DERA: variants seen among roughly 807,000 people sequenced by gnomAD.
The protein encoded by DERA is deoxyribose-phosphate aldolase.
DERA carries 15 observed loss-of-function variants against 41.1 expected under a neutral mutation model. That is an observed-to-expected ratio of 0.37 (90% confidence interval 0.24 to 0.56). DERA has a LOEUF of 0.56. Ranked by LOEUF, DERA falls within the 20% of genes least tolerant of loss-of-function variation. DERA has a pLI of 0.81. For missense variants in DERA, 396 were observed against 403.4 expected (o/e 0.98, Z 0.16); for synonymous variants, 139 against 137.4 (o/e 1.01, Z -0.08).
chr12:16,009,920 ATTG>A lies in DERA; in HGVS notation c.638-22619_638-22617del, dbSNP rs1948936583. On this transcript the variant is annotated intron_variant, in intron 6 of 8. Transcript: ENST00000428559. The surrounding 1 kb of genome is among the most constrained non-coding windows in gnomAD (Gnocchi z 5.3). ...GTATACATGTTAAGAAACTATTTAT[ATTG>A]TTTTCTGCTGAGCAGAAATCTAAAA... Among the ~76,000 whole-genome samples, 1 of 152,228 alleles carries A rather than the reference ATTG, an allele frequency of 6.6e-6. No homozygotes were observed. Among genetic ancestry groups the A allele is most frequent in the Non-Finnish European group, 1.5e-5 (1 of 68,044 alleles).
At chr12:15,923,017 C>CTTTTTTTTTTTTT (rs1208644862) in intron 1 of DERA, among the ~76,000 whole-genome samples, 1 of 104,428 alleles carries the variant, frequency 9.6e-6, no homozygotes, top group African/African-American at 3.6e-5. Context: ...TTTGTTTTTG[C>CTTTTTTTTTTTTT]TTTTTTTTTT....
chr12:15,936,886 T>TTGTCTTGTCTTGTCCTGTCCTGTCC lies in DERA; in HGVS notation c.32-20046_32-20045insTTGTCTTGTCCTGTCCTGTCCTGTC, dbSNP rs1351383547. 7.3e-6 allele frequency among the ~76,000 whole-genome samples: 1 copy of TTGTCTTGTCTTGTCCTGTCCTGTCC among 136,876 alleles called. No homozygotes were observed. Among genetic ancestry groups the TTGTCTTGTCTTGTCCTGTCCTGTCC allele is most frequent in the African/African-American group, 3.2e-5 (1 of 31,206 alleles). 89.8% of individuals were successfully genotyped at this position (136,876 alleles called of 152,430 possible). A position where few individuals can be genotyped will look rare whatever the true frequency, so the allele number is the denominator to read the frequency against. ...TTGTCTTGTCTTGTCTTGTCTTGTC[T>TTGTCTTGTCTTGTCCTGTCCTGTCC]TGTCCTGTCCTGTCCTGTCCTGTCC... On this transcript the variant is annotated intron_variant, in intron 1 of 8. Transcript: ENST00000428559. The surrounding 1 kb of genome is among the most constrained non-coding windows in gnomAD (Gnocchi z 4.6).
Position 15,967,736 on chromosome 12 carries a change from T to TGTACG in DERA, c.508+4791_508+4792insACGGT, listed in dbSNP as rs1948632503. Among the ~76,000 whole-genome samples the TGTACG allele has an allele frequency of 6.6e-6, 1 of 152,210 alleles. No homozygotes were observed. The highest frequency in any genetic ancestry group is 2.4e-5 in the African/African-American group (1 of 41,448). On this transcript the variant is annotated intron_variant, in intron 5 of 8. Coordinates refer to ENST00000428559, the MANE Select transcript of DERA (RefSeq NM_015954.4). The surrounding 1 kb of genome is among the most constrained non-coding windows in gnomAD (Gnocchi z 4.9). ...TCATGTTGAGCTCGTGACGGCACAC[T>TGTACG]GTCCTTCCCTGCCAATCCTTCTGTC...
At chr12:15,977,633 T>C (rs1378850598) in intron 5 of DERA, among the ~76,000 whole-genome samples, 1 of 152,194 alleles carries the variant, frequency 6.6e-6, no homozygotes, top group Non-Finnish European at 1.5e-5. Flanking sequence ...TTTTTGCATT[T>C]TTTTAGTAGA....
chr12:15,987,429 G>A (rs945485864), intron 6 of DERA, among the ~76,000 whole-genome samples: 1 of 151,666 alleles, frequency 6.6e-6, no homozygotes, highest in Non-Finnish European at 1.5e-5. Flanking sequence ...TAGAGACAGG[G>A]TTTCACCATA....
intron 4 of DERA, among the ~76,000 whole-genome samples, chr12:15,961,908 T>C (rs1244478483): frequency 1.3e-5 from 2 of 152,180 alleles, no homozygotes; most frequent in African/African-American, 2.4e-5. Flanking sequence ...CACACCAGGC[T>C]AATTTTTATA....
At position 16,010,862 on chromosome 12, in the gene DERA, T is replaced by A. The variant is rs1948942638; in HGVS notation, c.638-21680T>A. On this transcript the variant is annotated intron_variant, in intron 6 of 8. Transcript: ENST00000428559. This position sits in a 1 kb window ranked among gnomAD's most constrained non-coding sequence, Gnocchi z 5.5. ...CACAACTTCTTTTATGAAAGACAGG[T>A]CACTGTAAAAAGAAACTCTACCCAC... Among the ~76,000 whole-genome samples the A allele has an allele frequency of 6.6e-6, 1 of 151,908 alleles. No homozygotes were observed. Among genetic ancestry groups the A allele is most frequent in the Admixed American group, 6.5e-5 (1 of 15,272 alleles).
chr12:15,920,203 AGT>A (rs1948232392), intron 1 of DERA, among the ~76,000 whole-genome samples: 1 of 152,218 alleles, frequency 6.6e-6, no homozygotes, highest in African/African-American at 2.4e-5. Context: ...GGAAAATAAT[AGT>A]GTCCACACTT....
At position 15,996,151 on chromosome 12, in the gene DERA, CAG is replaced by C. The variant is rs1308433856; in HGVS notation, c.637+13718_637+13719del. On this transcript the variant is annotated intron_variant, in intron 6 of 8. Coordinates refer to ENST00000428559, the MANE Select transcript of DERA (RefSeq NM_015954.4). This position sits in a 1 kb window ranked among gnomAD's most constrained non-coding sequence, Gnocchi z 4.7. Reference sequence around the variant, plus strand: ...TCATATGCAGACACAGACACACACACAGAGCATGTGTGTGTGTGTGTGTGTGT... The same window carrying C: ...TCATATGCAGACACAGACACACACACAGCATGTGTGTGTGTGTGTGTGTGT... Among the ~76,000 whole-genome samples the C allele has an allele frequency of 2.3e-5, 3 of 132,986 alleles. No individual in the cohort carries two copies. The highest frequency in any genetic ancestry group is 5.4e-4 in the South Asian group (2 of 3,686). The allele number at this position is 132,986 out of a possible 152,430, so 87.2% of individuals were successfully genotyped here.
chr12:15,948,740 G>A (rs377756990), intron 1 of DERA, among the ~76,000 whole-genome samples: 19 of 152,162 alleles, frequency 1.2e-4, no homozygotes, highest in Non-Finnish European at 2.1e-4. Flanking sequence ...TGTTGCTGGC[G>A]AGAAGCTGCG....
intron 1 of DERA, among the ~76,000 whole-genome samples, chr12:15,932,962 C>T (rs1356511628): frequency 6.6e-6 from 1 of 152,098 alleles, no homozygotes; most frequent in Non-Finnish European, 1.5e-5. Flanking sequence ...AATGTAATAC[C>T]CTCCAGGATT....
chr12:15,960,692 G>A (rs1376598162), intron 4 of DERA, among the ~76,000 whole-genome samples: 3 of 149,872 alleles, frequency 2.0e-5, no homozygotes, highest in Admixed American at 6.7e-5. Flanking sequence ...GTGTAGTTGC[G>A]GTTCTGAGCA....
intron 5 of DERA, among the ~76,000 whole-genome samples, chr12:15,973,428 A>AATAGCCTACCAAATTATTATTTTTC (rs1565601478): frequency 1.3e-5 from 2 of 151,670 alleles, no homozygotes. Flanking sequence ...GGCATCTTTG[A>AATAGCCTACCAAATTATTATTTTTC]TAATATATGG....
chr12:15,986,823 A>C (rs577866077), intron 6 of DERA, among the ~76,000 whole-genome samples: 1 of 152,272 alleles, frequency 6.6e-6, no homozygotes, highest in East Asian at 1.9e-4. Flanking sequence ...TGTATAATTC[A>C]GTCTGGGAAA....
At position 15,917,103 on chromosome 12, in the gene DERA, A is replaced by C. The variant is rs1020282747; in HGVS notation, c.31+5689A>C. Among the ~76,000 whole-genome samples the C allele has an allele frequency of 2.0e-5, 3 of 152,324 alleles. No individual in the cohort carries two copies. The South Asian group carries it at 6.2e-4, about 32-fold the overall frequency. On this transcript the variant is annotated intron_variant, in intron 1 of 8. Transcript: ENST00000428559. ...TTAAGGAATCTATGGGTCACAAGTG[A>C]GAAGTGACCTAATACACCTTACAAA...
chr12:15,952,611 T>C (rs902579095), intron 1 of DERA, among the ~76,000 whole-genome samples: 2 of 152,260 alleles, frequency 1.3e-5, no homozygotes, highest in Non-Finnish European at 2.9e-5. Context: ...ATATTATAAT[T>C]TCATTGTGAA....
Position 16,013,615 on chromosome 12 carries a change from A to G in DERA, c.638-18927A>G, listed in dbSNP as rs569008186. 1.6e-4 allele frequency among the ~76,000 whole-genome samples: 24 copies of G among 152,352 alleles called. No individual in the cohort carries two copies. Among genetic ancestry groups the G allele is most frequent in the Middle Eastern group, 6.8e-3 (2 of 294 alleles). ...CTAGTCTCAGGCAGTTCTTCATAGC[A>G]TTATGAACATGGATTAATACAGTAA... On this transcript the variant is annotated intron_variant, in intron 6 of 8. Transcript: ENST00000428559. The surrounding 1 kb of genome is among the most constrained non-coding windows in gnomAD (Gnocchi z 5.8).
In DERA at chr12:16,003,789, C is replaced by T. The variant is rs961562030; in HGVS notation, c.637+21353C>T. Among the ~76,000 whole-genome samples the T allele has an allele frequency of 3.9e-5, 6 of 152,110 alleles. No individual in the cohort carries two copies. The highest frequency in any genetic ancestry group is 6.5e-5 in the Admixed American group (1 of 15,278). ...CCATAACTCCTCACTGCCCCTTCCCCGCAAAACCCTCTTTGTATCACCATC... is the reference window on the plus strand; with the variant it reads ...CCATAACTCCTCACTGCCCCTTCCCTGCAAAACCCTCTTTGTATCACCATC... On this transcript the variant is annotated intron_variant, in intron 6 of 8. Transcript: ENST00000428559. The surrounding 1 kb of genome is among the most constrained non-coding windows in gnomAD (Gnocchi z 4.8).
chr12:15,924,354 C>G lies in DERA; in HGVS notation c.31+12940C>G, dbSNP rs1002346234. Among the ~76,000 whole-genome samples the G allele has an allele frequency of 1.3e-5, 2 of 152,210 alleles. No homozygotes were observed. The highest frequency in any genetic ancestry group is 2.9e-5 in the Non-Finnish European group (2 of 68,038). On this transcript the variant is annotated intron_variant, in intron 1 of 8. Coordinates refer to ENST00000428559, the MANE Select transcript of DERA (RefSeq NM_015954.4). This position sits in a 1 kb window ranked among gnomAD's most constrained non-coding sequence, Gnocchi z 5.0. ...GGACAAGGTTACAGTGATGATCATA[C>G]TGCTGTACTGTAGCCTGGGTGACAG...
Sources: gnomAD v4.1 joint callset for allele counts (sites outside exome capture counted in the v4.1 genomes callset) on GRCh38, gnomAD v4.1.1 for gene constraint, Gnocchi (gnomAD v3.1) non-coding constraint, MANE v1.5 for transcripts, NCBI Gene and HGNC (gene_info 2026-07-23, HGNC 2026-07-21) for gene names.